The following POGZ variants were observed in gnomAD, a reference collection of about 807,000 sequenced individuals.
The protein encoded by POGZ is pogo transposable element derived with ZNF domain.
A neutral mutation model predicts 134.6 loss-of-function variants in POGZ; 17 were observed. The ratio of observed to expected loss-of-function variants is 0.13; its 90% CI spans 0.09 to 0.19. The LOEUF is 0.19. Among genes scored for constraint, POGZ ranks in the 10% least tolerant of loss-of-function variants. The pLI is 1.00. For synonymous variants in POGZ, 693 were observed against 657.1 expected (o/e 1.05, Z -0.84); for missense variants, 1,306 against 1,769.7 (o/e 0.74, Z 4.70).
At chr1:151,411,046 C>A (rs1404571533) in intron 12 of POGZ, among the ~76,000 whole-genome samples, 2 of 152,200 alleles carry the variant, frequency 1.3e-5, no homozygotes, top group Non-Finnish European at 2.9e-5. Context: ...CTCCTTTAAT[C>A]CATTCTCTGC....
At chr1:151,448,139 T>C (rs764241148) in intron 1 of POGZ, among the ~76,000 whole-genome samples, 5 of 152,136 alleles carry the variant, frequency 3.3e-5, no homozygotes, top group Admixed American at 2.6e-4. Context: ...GACAGAAAAA[T>C]TCCACATCCA....
At chr1:151,422,425 C>T (rs868746652) in intron 10 of POGZ, among the ~76,000 whole-genome samples, 15 of 152,084 alleles carry the variant, frequency 9.9e-5, no homozygotes, top group African/African-American at 3.1e-4. Flanking sequence ...CTATGTATCC[C>T]CAGTAGAGGT....
intron 10 of POGZ, among the ~76,000 whole-genome samples, chr1:151,416,034 C>T (rs1571381428): frequency 1.3e-5 from 2 of 150,700 alleles, no homozygotes; most frequent in Non-Finnish European, 3.0e-5. Flanking sequence ...GCCAACATGG[C>T]GAAACCCCGC....
Position 151,408,489 on chromosome 1 carries a change from C to A in POGZ, c.2154G>T (p.Leu718=). 6.3e-7 allele frequency: 1 copy of A among 1,593,954 alleles called. No individual in the cohort carries two copies. The highest frequency in any genetic ancestry group is 2.2e-5 in the East Asian group (1 of 44,810). The change falls in exon 14 of 19, where the codon CTG becomes CTT. Residue 718 remains leucine, a synonymous_variant. Coordinates refer to ENST00000271715, the MANE Select transcript of POGZ (RefSeq NM_015100.4). ...PPSALQEAAP[L]TSSMDPLPVF... is the part of the protein sequence containing the mutation. ...CAGGCAGAGGGTCCATTGAGGAGGTCAGCGGTGCTGCCTCCTGCAAGGCGC... is the reference window on the plus strand; with the variant it reads ...CAGGCAGAGGGTCCATTGAGGAGGTAAGCGGTGCTGCCTCCTGCAAGGCGC...
intron 4 of POGZ, 133 bp from the exon 5 acceptor site, chr1:151,429,844 A>G (rs965270338): frequency 5.5e-5 from 26 of 474,120 alleles, no homozygotes; most frequent in African/African-American, 4.8e-4. Context: ...TAGAGGTTTC[A>G]AATGACTGAG....
chr1:151,423,411 G>T lies in POGZ; in HGVS notation c.1664C>A (p.Pro555His). The change falls in exon 10 of 19, where the codon CCC (proline) becomes CAC (histidine). Residue 555 changes from proline to histidine, a missense_variant. This residue lies in a region of POGZ where 541 missense variants were observed against 680.5 expected (regional missense o/e 0.80). Transcript: ENST00000271715. ...TCCAAACTTACTAGTAGATTCATAGGGACTATGAACATTTTCCAAGTGGCA... is the reference window on the plus strand; with the variant it reads ...TCCAAACTTACTAGTAGATTCATAGTGACTATGAACATTTTCCAAGTGGCA... ...LQCHLENVHSPYESTTKCKIC... is the reference protein window; with the variant it reads ...LQCHLENVHSHYESTTKCKIC... 1 of 1,613,550 alleles carries T rather than the reference G, an allele frequency of 6.2e-7. No homozygotes were observed. Among genetic ancestry groups the T allele is most frequent in the East Asian group, 2.2e-5 (1 of 44,874 alleles).
rs147931098 is a variant in POGZ at position 151,451,944 on chromosome 1, A to G, written c.-2+7208T>C. 9.9e-3 allele frequency among the ~76,000 whole-genome samples: 1,496 copies of G among 151,628 alleles called. 28 individuals carry two copies. The highest frequency in any genetic ancestry group is 0.035 in the African/African-American group (1,439 of 41,452). ...AAACCCAGTCTCTACTAAAAATACA[A>G]AAATTAGCCGGGCGTGGTGGTGGGC... On this transcript the variant is annotated intron_variant, in intron 1 of 18. Transcript: ENST00000271715.
chr1:151,459,243 C>G lies in POGZ; in HGVS notation c.-93G>C, dbSNP rs1277118523. 46 of 143,042 alleles carry G rather than the reference C, an allele frequency of 3.2e-4. No homozygotes were observed. Among genetic ancestry groups the G allele is most frequent in the Admixed American group, 3.2e-3 (46 of 14,548 alleles). The allele number at this position is 143,042 out of a possible 1,614,324, so 8.9% of individuals were successfully genotyped here. On this transcript the variant is annotated 5_prime_UTR_variant, in exon 1 of 19. Coordinates refer to ENST00000271715, the MANE Select transcript of POGZ (RefSeq NM_015100.4). ...ACCCGGCGCCAGAAGGGGGTGGGAG[C>G]AGGGGGAGGGGACGGGGGCTTGGGG...
In POGZ at chr1:151,403,976, GGGAT is replaced by G. The variant is rs1301598534; in HGVS notation, c.*822_*825del. ...ACACCTGTATGATCCTTTGTCCAGA[GGGAT>G]GGATGGTGTTGAGAATGGGGAAAGG... On this transcript the variant is annotated 3_prime_UTR_variant, in exon 19 of 19. Coordinates refer to ENST00000271715, the MANE Select transcript of POGZ (RefSeq NM_015100.4). The G allele has an allele frequency of 4.1e-6, 4 of 985,410 alleles. No homozygotes were observed. Among genetic ancestry groups the G allele is most frequent in the Non-Finnish European group, 4.8e-6 (4 of 829,916 alleles). 61.0% of individuals were successfully genotyped at this position (985,410 alleles called of 1,614,324 possible).
intron 1 of POGZ, among the ~76,000 whole-genome samples, chr1:151,454,427 C>G (rs1482765703): frequency 6.6e-6 from 1 of 152,140 alleles, no homozygotes; most frequent in Non-Finnish European, 1.5e-5. Flanking sequence ...TTTTGCACAG[C>G]CCATTTTGTC....
At position 151,405,198 on chromosome 1, in the gene POGZ, T is replaced by C. The variant is rs1382044990; in HGVS notation, c.3837A>G (p.Lys1279=). The C allele has an allele frequency of 6.2e-7, 1 of 1,614,110 alleles. No individual in the cohort carries two copies. The change falls in exon 19 of 19, where the codon AAA becomes AAG. Residue 1279 remains lysine, a synonymous_variant. Coordinates refer to ENST00000271715, the MANE Select transcript of POGZ (RefSeq NM_015100.4). This position sits in a 1 kb window ranked among gnomAD's most constrained non-coding sequence, Gnocchi z 4.9. ...KRTVKNFLHK[K]WKEQAREMAD... Reference sequence around the variant, plus strand: ...CCATTTCCCGAGCCTGTTCCTTCCATTTTTTATGCAGGAAGTTCTTGACAG... The same window carrying C: ...CCATTTCCCGAGCCTGTTCCTTCCACTTTTTATGCAGGAAGTTCTTGACAG...
chr1:151,459,423 T>C lies in POGZ; in HGVS notation c.-273A>G, dbSNP rs1377915002. 1 of 150,438 alleles carries C rather than the reference T, an allele frequency of 6.6e-6. No homozygotes were observed. The highest frequency in any genetic ancestry group is 1.5e-5 in the Non-Finnish European group (1 of 67,594). 9.3% of individuals were successfully genotyped at this position (150,438 alleles called of 1,614,324 possible). On this transcript the variant is annotated 5_prime_UTR_variant, in exon 1 of 19. Transcript: ENST00000271715. ...GGGGGGGCCAAGGAATGCGGCTCCG[T>C]GTACGGGAGCTGGCGCGGGGGAGAG...
Position 151,408,847 on chromosome 1 carries a change from A to G in POGZ, c.1927-19T>C. ...TTCTCTTCTGAAGTGGGGGAGGGAAAAAAAGAGACAAAATCCCTTAAAGGT... is the reference window on the plus strand; with the variant it reads ...TTCTCTTCTGAAGTGGGGGAGGGAAGAAAAGAGACAAAATCCCTTAAAGGT... On this transcript the variant is annotated intron_variant, in intron 12 of 18. Transcript: ENST00000271715. 2 of 1,607,350 alleles carry G rather than the reference A, an allele frequency of 1.2e-6. No individual in the cohort carries two copies. Among genetic ancestry groups the G allele is most frequent in the Admixed American group, 3.4e-5 (2 of 58,066 alleles).
Position 151,423,468 on chromosome 1 carries a change from T to A in POGZ, c.1607A>T (p.Tyr536Phe). 1 of 1,614,028 alleles carries A rather than the reference T, an allele frequency of 6.2e-7. No homozygotes were observed. The highest frequency in any genetic ancestry group is 8.5e-7 in the Non-Finnish European group (1 of 1,179,860). The change falls in exon 10 of 19, where the codon TAC (tyrosine) becomes TTC (phenylalanine). Residue 536 changes from tyrosine to phenylalanine, a missense_variant. Around this residue, in one of 10 missense-constraint regions of POGZ, gnomAD observed 541 missense variants for 680.5 expected, o/e 0.80. Coordinates refer to ENST00000271715, the MANE Select transcript of POGZ (RefSeq NM_015100.4). ...CTGGAAGGGAGTGGAAAACTGGCGG[T>A]AACAGTGCTGGCAGATAGTGTGACC... ...VDGHTICQHC[Y>F]RQFSTPFQLQ...
Position 151,406,902 on chromosome 1 carries a change from C to A in POGZ, c.2545+9G>T, listed in dbSNP as rs1167564664. On this transcript the variant is annotated intron_variant, in intron 17 of 18. Coordinates refer to ENST00000271715, the MANE Select transcript of POGZ (RefSeq NM_015100.4). ...CCTTGCTCAACTAATCCCCTTCTCT[C>A]CTACTTACCCCGTGGCAGGATGCTG... The A allele has an allele frequency of 6.2e-7, 1 of 1,601,146 alleles. No individual in the cohort carries two copies. The highest frequency in any genetic ancestry group is 1.1e-5 in the South Asian group (1 of 90,800).
chr1:151,441,168 CTTA>C, intron 2 of POGZ, 82 bp from the exon 3 acceptor site: 2 of 1,187,560 alleles, frequency 1.7e-6, no homozygotes, highest in Non-Finnish European at 2.3e-6. Context: ...CCCTTTCCAT[CTTA>C]TTGTGGGTCT....
intron 1 of POGZ, among the ~76,000 whole-genome samples, chr1:151,445,538 A>AG (rs1333446341): frequency 2.6e-5 from 4 of 151,360 alleles, no homozygotes; most frequent in African/African-American, 9.7e-5. Context: ...AAAAAAAAAA[A>AG]GAAAAAAAGA....
rs766087470 is a variant in POGZ at position 151,404,259 on chromosome 1, A to C, written c.*543T>G. 10 of 983,490 alleles carry C rather than the reference A, an allele frequency of 1.0e-5. No individual in the cohort carries two copies. Among genetic ancestry groups the C allele is most frequent in the Non-Finnish European group, 1.2e-5 (10 of 827,906 alleles). 60.9% of individuals were successfully genotyped at this position (983,490 alleles called of 1,614,324 possible). A position where few individuals can be genotyped will look rare whatever the true frequency, so the allele number is the denominator to read the frequency against. ...TTTATATAAAAGTGTTAAGACCACA[A>C]TGAAAAAAGTTTTTTATCCATATAT... On this transcript the variant is annotated 3_prime_UTR_variant, in exon 19 of 19. Transcript: ENST00000271715.
At chr1:151,416,226 A>AG (rs1655635530) in intron 10 of POGZ, among the ~76,000 whole-genome samples, 1 of 149,274 alleles carries the variant, frequency 6.7e-6, no homozygotes, top group Admixed American at 6.7e-5. Flanking sequence ...AAAAAAAAAA[A>AG]AAAAAAAAAG....
Sources: allele counts gnomAD v4.1 joint callset (sites outside exome capture counted in the v4.1 genomes callset), GRCh38; gene constraint gnomAD v4.1.1; regional missense constraint gnomAD v4.1.1; non-coding constraint Gnocchi (gnomAD v3.1); transcripts MANE v1.5; gene names NCBI Gene and HGNC (gene_info 2026-07-23, HGNC 2026-07-21).